Variants in ADAMTS14 observed in about 807,000 individuals in gnomAD.
The protein encoded by ADAMTS14 is ADAM metallopeptidase with thrombospondin type 1 motif 14.
A neutral mutation model predicts 128.6 loss-of-function variants in ADAMTS14; 100 were observed. That is an observed-to-expected ratio of 0.78 (90% CI 0.66 to 0.92). ADAMTS14 has a LOEUF of 0.92. ADAMTS14 is among the 40% of genes least tolerant of loss of function. ADAMTS14 has a pLI of 0.00. For synonymous variants in ADAMTS14, 665 were observed against 653.8 expected, an observed-to-expected ratio of 1.02 and a Z score of -0.26; for missense variants, 1,562 against 1,658.6, an observed-to-expected ratio of 0.94 and a Z score of 1.01.
chr10:70,687,347 C>T (rs1185041453), intron 2 of ADAMTS14, among the ~76,000 whole-genome samples: 9 of 84,952 alleles, frequency 1.1e-4, no homozygotes, highest in South Asian at 1.2e-3. Flanking sequence ...GACCCCCCCA[C>T]CTCCCTCCCG....
At chr10:70,737,710 T>G (rs1188930177) in intron 10 of ADAMTS14, among the ~76,000 whole-genome samples, 1 of 152,178 alleles carries the variant, frequency 6.6e-6, no homozygotes, top group Admixed American at 6.5e-5. Flanking sequence ...TCTTTCCACT[T>G]CTTAAGTTTT....
At chr10:70,712,973 AC>A (rs1554818065) in intron 4 of ADAMTS14, among the ~76,000 whole-genome samples, 1 of 152,180 alleles carries the variant, frequency 6.6e-6, no homozygotes, top group Non-Finnish European at 1.5e-5. Context: ...CTGTTCTGCC[AC>A]CTGCTCCTCA....
At chr10:70,732,409 C>T in intron 7 of ADAMTS14, 50 bp downstream of exon 7, 1 of 1,489,538 alleles carries the variant, frequency 6.7e-7, no homozygotes, top group African/African-American at 1.4e-5. Context: ...GCCGTGAGCT[C>T]CAGGGAATTC....
intron 2 of ADAMTS14, among the ~76,000 whole-genome samples, chr10:70,693,607 A>G (rs1470067511): frequency 6.6e-6 from 1 of 152,232 alleles, no homozygotes; most frequent in East Asian, 1.9e-4. Flanking sequence ...CCAAGATTAC[A>G]TGATCTGAGA....
At position 70,761,065 on chromosome 10, in the gene ADAMTS14, C is replaced by T. The variant is rs2132768088; in HGVS notation, c.*212C>T. ...GGGAAAGCCCTAATCGGAGATACCT[C>T]AGCAAGCTGCCCCCGGCGGGACTGA... On this transcript the variant is annotated 3_prime_UTR_variant, in exon 22 of 22. Coordinates refer to ENST00000373207, the MANE Select transcript of ADAMTS14 (RefSeq NM_080722.4). The T allele has an allele frequency of 1.4e-6, 1 of 709,988 alleles. No individual in the cohort carries two copies. Among genetic ancestry groups the T allele is most frequent in the Non-Finnish European group, 2.1e-6 (1 of 469,820 alleles). 44.0% of individuals were successfully genotyped at this position (709,988 alleles called of 1,614,324 possible). A position where few individuals can be genotyped will look rare whatever the true frequency, so the allele number is the denominator to read the frequency against.
At chr10:70,681,860 A>AG (rs1839818545) in intron 2 of ADAMTS14, among the ~76,000 whole-genome samples, 1 of 152,214 alleles carries the variant, frequency 6.6e-6, no homozygotes, top group South Asian at 2.1e-4. Context: ...TGGGAGGGGC[A>AG]GGGGGCACCA....
Position 70,743,700 on chromosome 10 carries a change from A to T in ADAMTS14, c.2058+19A>T, listed in dbSNP as rs375898260. 78 of 1,549,090 alleles carry T rather than the reference A, an allele frequency of 5.0e-5. No individual in the cohort carries two copies. In the African/African-American group the frequency reaches 9.7e-4, roughly 19 times the overall value. On this transcript the variant is annotated intron_variant, in intron 13 of 21. Transcript: ENST00000373207. ...GTGTGTGGTGGGTGCACCCCCAGCCACCCCGACTACCGGCACAGGGAGACT... is the reference window on the plus strand; with the variant it reads ...GTGTGTGGTGGGTGCACCCCCAGCCTCCCCGACTACCGGCACAGGGAGACT...
chr10:70,728,797 C>T (rs1308440594), intron 4 of ADAMTS14, among the ~76,000 whole-genome samples: 1 of 152,248 alleles, frequency 6.6e-6, no homozygotes, highest in African/African-American at 2.4e-5. Context: ...GGTGCTGCTG[C>T]TGCTCCAAGG....
chr10:70,692,339 T>C (rs914075894), intron 2 of ADAMTS14, among the ~76,000 whole-genome samples: 1 of 152,148 alleles, frequency 6.6e-6, no homozygotes, highest in Non-Finnish European at 1.5e-5. Context: ...TTCCCATGCC[T>C]TATTTCATCT....
chr10:70,700,100 G>A (rs563132048), intron 2 of ADAMTS14, among the ~76,000 whole-genome samples: 2 of 152,188 alleles, frequency 1.3e-5, no homozygotes, highest in East Asian at 2.0e-4. Context: ...ACAAAGCTGC[G>A]GTAGGCCTTG....
intron 2 of ADAMTS14, among the ~76,000 whole-genome samples, chr10:70,690,339 T>C (rs1840149462): frequency 6.9e-6 from 1 of 144,456 alleles, no homozygotes; most frequent in Admixed American, 6.9e-5. Flanking sequence ...GCCACCTGTC[T>C]GGGGTCTTCT....
chr10:70,675,500 T>A (rs1839618054), intron 2 of ADAMTS14, among the ~76,000 whole-genome samples: 1 of 152,182 alleles, frequency 6.6e-6, no homozygotes, highest in Non-Finnish European at 1.5e-5. Flanking sequence ...GCCTGGCTCG[T>A]GGCGTGGGCA....
chr10:70,738,912 C>G lies in ADAMTS14; in HGVS notation c.1670C>G (p.Ser557Cys). Residue 557 changes from serine (S) to cysteine (C), a missense_variant, in exon 11 of 22, where the codon TCC becomes TGC. Coordinates refer to ENST00000373207, the MANE Select transcript of ADAMTS14 (RefSeq NM_080722.4). ...TATGGCCAGGATGGAGGCTGGAGCT[C>G]CTGGACCAAGTTTGGGTCATGTTCG... ...QTYGQDGGWS[S>C]WTKFGSCSRS... 1 of 1,614,100 alleles carries G rather than the reference C, an allele frequency of 6.2e-7. No homozygotes were observed. The highest frequency in any genetic ancestry group is 8.5e-7 in the Non-Finnish European group (1 of 1,180,002).
chr10:70,744,385 G>A (rs1329041510), intron 14 of ADAMTS14, among the ~76,000 whole-genome samples, 196 bp downstream of exon 14: 2 of 152,180 alleles, frequency 1.3e-5, no homozygotes, highest in Non-Finnish European at 2.9e-5. Flanking sequence ...TTTCAGGCAA[G>A]CTCCTCCCTG....
At chr10:70,714,337 C>G (rs1482150703) in intron 4 of ADAMTS14, among the ~76,000 whole-genome samples, 1 of 152,208 alleles carries the variant, frequency 6.6e-6, no homozygotes, top group Admixed American at 6.5e-5. Context: ...CCTCAATGTC[C>G]TTACATAGAA....
intron 3 of ADAMTS14, among the ~76,000 whole-genome samples, chr10:70,707,725 C>T (rs1412777559): frequency 2.0e-5 from 3 of 152,182 alleles, no homozygotes; most frequent in African/African-American, 7.2e-5. Context: ...GGACAACAAT[C>T]TGATAGAGTT....
At chr10:70,759,192 T>C (rs896284696) in intron 21 of ADAMTS14, among the ~76,000 whole-genome samples, 2 of 133,814 alleles carry the variant, frequency 1.5e-5, no homozygotes, top group African/African-American at 5.6e-5. Flanking sequence ...GCCGTCTTCC[T>C]TCCCAAAGCA....
At chr10:70,692,476 AC>A (rs1840220984) in intron 2 of ADAMTS14, among the ~76,000 whole-genome samples, 1 of 152,102 alleles carries the variant, frequency 6.6e-6, no homozygotes, top group African/African-American at 2.4e-5. Context: ...CCTCTACACT[AC>A]TTTGCAGGGA....
intron 4 of ADAMTS14, among the ~76,000 whole-genome samples, chr10:70,718,383 T>C (rs1841124475): frequency 1.3e-5 from 2 of 151,942 alleles, no homozygotes; most frequent in Admixed American, 1.3e-4. Context: ...ATATTTATTT[T>C]ATTTAAAAGT....
Sources: gnomAD v4.1 joint callset for allele counts (sites outside exome capture counted in the v4.1 genomes callset) on GRCh38, gnomAD v4.1.1 for gene constraint, MANE v1.5 for transcripts, NCBI Gene and HGNC (gene_info 2026-07-23, HGNC 2026-07-21) for gene names.